FMR1NB: variants seen among roughly 807,000 people sequenced by gnomAD.
The protein encoded by FMR1NB is FMR1 neighbor.
Under a neutral mutation model 16.8 loss-of-function variants are expected in FMR1NB, and 10 were observed. The observed-to-expected ratio is 0.60, with a 90% confidence interval of 0.37 to 1.01. The LOEUF (loss-of-function observed/expected upper bound fraction) is 1.01. FMR1NB is among the 50% of genes least tolerant of loss of function. FMR1NB has a pLI of 0.01. For missense variants in FMR1NB, 205 were observed against 204.8 expected (o/e 1.00, Z 0.00); for synonymous variants, 83 against 79.1 (o/e 1.05, Z -0.26).
At chrX:148,006,252 C>T (rs1557189080) in intron 2 of FMR1NB, among the ~76,000 whole-genome samples, 1 of 111,966 alleles carries the variant, frequency 8.9e-6, no homozygotes, top group African/African-American at 3.2e-5. Flanking sequence ...AGGTCAATGC[C>T]AGTGTATCAC....
At chrX:148,007,598 A>G (rs1309344408) in intron 3 of FMR1NB, among the ~76,000 whole-genome samples, 2 of 111,754 alleles carry the variant, frequency 1.8e-5, no homozygotes, top group African/African-American at 3.2e-5. Context: ...GTCTTGTTCT[A>G]TAGTTTTTGA....
chrX:148,015,691 C>T (rs781964633), intron 4 of FMR1NB, among the ~76,000 whole-genome samples: 7 of 111,914 alleles, frequency 6.3e-5, no homozygotes, highest in Admixed American at 2.8e-4. Flanking sequence ...TGCTTGTTAT[C>T]GTTTTAATTT....
chrX:147,983,414 T>C (rs186937682), intron 1 of FMR1NB, among the ~76,000 whole-genome samples: 188 of 112,670 alleles, frequency 1.7e-3, no homozygotes, highest in Non-Finnish European at 3.2e-3. Context: ...CCCCTTGTTA[T>C]ACATTATAGC....
intron 4 of FMR1NB, among the ~76,000 whole-genome samples, chrX:148,017,532 T>C (rs782349368): frequency 1.8e-5 from 2 of 110,637 alleles, no homozygotes; most frequent in Admixed American, 9.6e-5. Context: ...TATTTTCTTT[T>C]TTTTTCTTTT....
At chrX:147,991,813 C>T (rs888221225) in intron 1 of FMR1NB, among the ~76,000 whole-genome samples, 2 of 108,289 alleles carry the variant, frequency 1.8e-5, no homozygotes, top group Non-Finnish European at 3.8e-5. Flanking sequence ...CGGCCTTCAG[C>T]AGTGTTTGTG....
At chrX:147,985,898 T>C (rs1390492697) in intron 1 of FMR1NB, among the ~76,000 whole-genome samples, 1 of 112,049 alleles carries the variant, frequency 8.9e-6, no homozygotes, top group African/African-American at 3.2e-5. Flanking sequence ...TGCCACACTG[T>C]CTTCCACAAT....
At chrX:148,021,261 T>C (rs1375792048) in intron 4 of FMR1NB, among the ~76,000 whole-genome samples, 1 of 111,551 alleles carries the variant, frequency 9.0e-6, no homozygotes, top group Non-Finnish European at 1.9e-5. Context: ...ATGCAGCCAC[T>C]GCTGGGGGAT....
Position 147,987,794 on chromosome X carries a change from CTTCT to C in FMR1NB, c.277+6118_277+6121del, listed in dbSNP as rs1442799250. On this transcript the variant is annotated intron_variant, in intron 1 of 5. Transcript: ENST00000370467. Reference sequence around the variant, plus strand: ...ATTCCCTTTACCATTATGTAATGCCCTTCTTTGTCTTTTTTGATTTAAATTTGTT... The same window carrying C: ...ATTCCCTTTACCATTATGTAATGCCCTTGTCTTTTTTGATTTAAATTTGTT... Among the ~76,000 whole-genome samples the C allele has an allele frequency of 9.1e-5, 10 of 109,898 alleles. No homozygotes were observed. The East Asian group carries it at 2.6e-3, about 28-fold the overall frequency.
chrX:147,990,830 C>G lies in FMR1NB; in HGVS notation c.277+9151C>G, dbSNP rs12007302. The stretch of plus-strand genomic sequence containing the variant: ...CATAGGTGACTTTCCTCCCTCATCT[C>G]TCCCAAGACCTTCTTTTCAGTACCT... On this transcript the variant is annotated intron_variant, in intron 1 of 5. Coordinates refer to ENST00000370467, the MANE Select transcript of FMR1NB (RefSeq NM_152578.3). Among the ~76,000 whole-genome samples, 184 of 110,479 alleles carry G rather than the reference C, an allele frequency of 1.7e-3. 1 individual carries two copies. Among genetic ancestry groups the G allele is most frequent in the African/African-American group, 6.0e-3 (181 of 30,267 alleles).
At chrX:147,994,719 T>A (rs1224459662) in intron 1 of FMR1NB, among the ~76,000 whole-genome samples, 1 of 112,533 alleles carries the variant, frequency 8.9e-6, no homozygotes, top group African/African-American at 3.2e-5. Context: ...CCAGGAGTAC[T>A]TTTTCCATTA....
chrX:148,006,075 G>A (rs782096278), intron 2 of FMR1NB, among the ~76,000 whole-genome samples: 1 of 111,334 alleles, frequency 9.0e-6, no homozygotes, highest in African/African-American at 3.3e-5. Flanking sequence ...ATTTGAGCTT[G>A]CAGGTCTTTT....
At chrX:148,011,584 C>T (rs1557189634) in intron 4 of FMR1NB, among the ~76,000 whole-genome samples, 1 of 111,246 alleles carries the variant, frequency 9.0e-6, no homozygotes, top group African/African-American at 3.3e-5. Flanking sequence ...TGGATGGTAG[C>T]AATAACTTAC....
At chrX:148,004,486 T>A in intron 2 of FMR1NB, among the ~76,000 whole-genome samples, 1 of 112,440 alleles carries the variant, frequency 8.9e-6, no homozygotes. Context: ...AATAAAATTG[T>A]TCCATTTTAA....
intron 3 of FMR1NB, 128 bp downstream of exon 3, chrX:148,006,970 C>T: frequency 1.4e-6 from 1 of 720,012 alleles, no homozygotes; most frequent in African/African-American, 2.2e-5. Context: ...GAGCGGTGCT[C>T]CTTAGAAGGT....
chrX:147,984,835 C>T (rs1051314861), intron 1 of FMR1NB, among the ~76,000 whole-genome samples: 15 of 112,183 alleles, frequency 1.3e-4, no homozygotes, highest in Non-Finnish European at 1.9e-4. Context: ...TGTTCATCAG[C>T]TCTTCATCAT....
At chrX:148,015,742 G>T (rs782174387) in intron 4 of FMR1NB, among the ~76,000 whole-genome samples, 10 of 112,134 alleles carry the variant, frequency 8.9e-5, no homozygotes, top group Non-Finnish European at 1.7e-4. Flanking sequence ...CTAACACACA[G>T]TCTATCCTTG....
In FMR1NB at chrX:148,026,496, C is replaced by T. The variant is rs2298852; in HGVS notation, c.*14-6C>T. 2 of 111,310 alleles carry T rather than the reference C, an allele frequency of 1.8e-5. No homozygotes were observed. The highest frequency in any genetic ancestry group is 5.7e-4 in the East Asian group (2 of 3,535). The allele number at this position is 111,310 out of a possible 1,213,427, so 9.2% of individuals were successfully genotyped here. On this transcript the variant is annotated splice_region_variant and splice_polypyrimidine_tract_variant and intron_variant, in intron 5 of 5. Transcript: ENST00000370467. Reference sequence around the variant, plus strand: ...TGTTTAACCCTACTTTACTTTTCTCCCATAGCATTATTTTCCCCTCAAGAC... The same window carrying T: ...TGTTTAACCCTACTTTACTTTTCTCTCATAGCATTATTTTCCCCTCAAGAC...
At chrX:148,024,568 C>T (rs1167608468) in intron 4 of FMR1NB, among the ~76,000 whole-genome samples, 3 of 111,786 alleles carry the variant, frequency 2.7e-5, no homozygotes, top group Non-Finnish European at 3.8e-5. Context: ...AATATCTAAA[C>T]TTACCATTAA....
At chrX:148,010,959 T>C (rs782338279) in intron 4 of FMR1NB, among the ~76,000 whole-genome samples, 1 of 111,453 alleles carries the variant, frequency 9.0e-6, no homozygotes, top group South Asian at 3.8e-4. Context: ...GTGCCTTTTT[T>C]AAGGATCACC....
Sources: gnomAD v4.1 joint callset for allele counts (sites outside exome capture counted in the v4.1 genomes callset) on GRCh38, gnomAD v4.1.1 for gene constraint, MANE v1.5 for transcripts, NCBI Gene and HGNC (gene_info 2026-07-23, HGNC 2026-07-21) for gene names.